PRUNE2: variants seen among roughly 807,000 people sequenced by gnomAD.
PRUNE2 encodes the protein prune homolog 2 with BCH domain, also known as protein prune homolog 2.
In PRUNE2, 164 loss-of-function variants were observed where a neutral mutation model predicts 252.0. The ratio of observed to expected loss-of-function variants is 0.65; its 90% CI spans 0.57 to 0.74. The LOEUF is 0.74. PRUNE2 is among the 30% of genes least tolerant of loss of function. The pLI is 0.00. For synonymous variants in PRUNE2, 1,292 were observed against 1,350.2 expected, an observed-to-expected ratio of 0.96 and a Z score of 0.94; for missense variants, 3,495 against 3,711.0, an observed-to-expected ratio of 0.94 and a Z score of 1.51.
chr9:76,638,888 C>G (rs1841325727), intron 12 of PRUNE2, among the ~76,000 whole-genome samples: 1 of 152,150 alleles, frequency 6.6e-6, no homozygotes, highest in South Asian at 2.1e-4. Context: ...CTGGGATCAA[C>G]AGACAGTGTG....
At chr9:76,891,784 G>A (rs1422527498) in intron 1 of PRUNE2, among the ~76,000 whole-genome samples, 1 of 152,184 alleles carries the variant, frequency 6.6e-6, no homozygotes, top group Non-Finnish European at 1.5e-5. Flanking sequence ...AGAAGACAGA[G>A]AATCTACGCC....
At position 76,709,235 on chromosome 9, in the gene PRUNE2, C is replaced by CTGTTGCAGTGAT. The variant is rs2134961606; in HGVS notation, c.3038_3039insATCACTGCAACA (p.Leu1015_Ser1018dup). 6.2e-7 allele frequency: 1 copy of CTGTTGCAGTGAT among 1,613,868 alleles called. No homozygotes were observed. The highest frequency in any genetic ancestry group is 1.1e-5 in the South Asian group (1 of 91,072). ...GATTTCGAGATGACTGTTGCAGTGA[C>CTGTTGCAGTGAT]TGAGGAGGAATGTCAGTCTCCTCTG... On this transcript the variant is annotated inframe_insertion, in exon 8 of 19. Transcript: ENST00000376718.
At chr9:76,712,365 G>A (rs2046801853) in intron 7 of PRUNE2, among the ~76,000 whole-genome samples, 1 of 152,124 alleles carries the variant, frequency 6.6e-6, no homozygotes, top group Non-Finnish European at 1.5e-5. Context: ...AGGCAACCTA[G>A]CTGCAAAGGC....
chr9:76,888,501 C>T (rs529176072), intron 1 of PRUNE2, among the ~76,000 whole-genome samples: 21 of 151,818 alleles, frequency 1.4e-4, no homozygotes, highest in African/African-American at 4.6e-4. Flanking sequence ...TGCTTGAACC[C>T]GAGAGGTGGA....
chr9:76,811,594 A>T (rs2057360487), intron 6 of PRUNE2, among the ~76,000 whole-genome samples: 1 of 152,230 alleles, frequency 6.6e-6, no homozygotes, highest in Non-Finnish European at 1.5e-5. Flanking sequence ...CTTCATGAGT[A>T]AAAGGCCAAC....
intron 6 of PRUNE2, among the ~76,000 whole-genome samples, chr9:76,717,676 AC>A (rs201240711): frequency 3.4e-5 from 5 of 147,974 alleles, no homozygotes; most frequent in Admixed American, 6.8e-5. Flanking sequence ...TGAACTTACC[AC>A]CCCCCCCACC....
At chr9:76,791,896 A>G (rs2055583352) in intron 6 of PRUNE2, among the ~76,000 whole-genome samples, 1 of 152,146 alleles carries the variant, frequency 6.6e-6, no homozygotes, top group Non-Finnish European at 1.5e-5. Flanking sequence ...AGGCCTTGGG[A>G]GAGATGCTGG....
intron 6 of PRUNE2, among the ~76,000 whole-genome samples, chr9:76,755,805 G>A (rs944908677): frequency 2.6e-5 from 4 of 152,106 alleles, no homozygotes; most frequent in Non-Finnish European, 4.4e-5. Flanking sequence ...TAGTTCAAAC[G>A]ATTGTCTCGC....
intron 6 of PRUNE2, among the ~76,000 whole-genome samples, chr9:76,819,774 C>T (rs1455487697): frequency 6.6e-6 from 1 of 152,120 alleles, no homozygotes; most frequent in Non-Finnish European, 1.5e-5. Context: ...AGCAAGGGAA[C>T]CATTAATGTA....
intron 1 of PRUNE2, among the ~76,000 whole-genome samples, chr9:76,881,014 G>A (rs1263029885): frequency 6.9e-6 from 1 of 145,720 alleles, no homozygotes; most frequent in Non-Finnish European, 1.5e-5. Context: ...AGGCTGGAGT[G>A]CAGTTGTGTG....
At chr9:76,794,476 G>T (rs138413983) in intron 6 of PRUNE2, among the ~76,000 whole-genome samples, 1 of 151,934 alleles carries the variant, frequency 6.6e-6, no homozygotes, top group East Asian at 1.9e-4. Flanking sequence ...TTAGCTGGGC[G>T]TAGTGGCCGG....
At chr9:76,663,935 A>G (rs11145001) in intron 9 of PRUNE2, among the ~76,000 whole-genome samples, 1,941 of 152,338 alleles carry the variant, frequency 0.013, 44 homozygotes, top group African/African-American at 0.043. Context: ...ACAGTTCACA[A>G]CCAGGATGGC....
chr9:76,832,620 G>A (rs2058730906), intron 4 of PRUNE2, among the ~76,000 whole-genome samples: 1 of 151,442 alleles, frequency 6.6e-6, no homozygotes, highest in African/African-American at 2.4e-5. Flanking sequence ...AAAGCGTTAA[G>A]TGTTAAAAAA....
intron 6 of PRUNE2, among the ~76,000 whole-genome samples, chr9:76,806,661 A>C (rs570096003): frequency 1.3e-4 from 19 of 148,520 alleles, no homozygotes; most frequent in Middle Eastern, 3.5e-3. Flanking sequence ...GTGCCCACCA[A>C]CACGCCCGGC....
At chr9:76,698,668 G>A (rs965331398) in intron 9 of PRUNE2, among the ~76,000 whole-genome samples, 4 of 152,068 alleles carry the variant, frequency 2.6e-5, no homozygotes, top group East Asian at 1.9e-4. Flanking sequence ...CAACATTCAC[G>A]TGGATAAAAG....
intron 6 of PRUNE2, among the ~76,000 whole-genome samples, chr9:76,802,321 T>C (rs1337591412): frequency 2.0e-5 from 3 of 152,122 alleles, no homozygotes; most frequent in African/African-American, 7.2e-5. Context: ...TGCACGAAAG[T>C]CCAGACTATG....
chr9:76,905,581 A>C (rs1347009970), intron 1 of PRUNE2, among the ~76,000 whole-genome samples: 2 of 152,174 alleles, frequency 1.3e-5, no homozygotes, highest in African/African-American at 4.8e-5. Context: ...GCATCTGCAG[A>C]AGGCTGGGCT....
At chr9:76,669,935 A>G (rs1030057387) in intron 9 of PRUNE2, among the ~76,000 whole-genome samples, 6 of 152,192 alleles carry the variant, frequency 3.9e-5, no homozygotes, top group African/African-American at 1.4e-4. Flanking sequence ...CCCAACTGCC[A>G]AGAGCTTCTT....
intron 6 of PRUNE2, among the ~76,000 whole-genome samples, chr9:76,753,562 T>C (rs996635376): frequency 6.6e-6 from 1 of 152,056 alleles, no homozygotes; most frequent in African/African-American, 2.4e-5. Context: ...TTTTGAAAAA[T>C]GACCCCCAGG....
Sources: gnomAD v4.1 joint callset for allele counts (sites outside exome capture counted in the v4.1 genomes callset) on GRCh38, gnomAD v4.1.1 for gene constraint, MANE v1.5 for transcripts, NCBI Gene and HGNC (gene_info 2026-07-23, HGNC 2026-07-21) for gene names.